Variants in CNTNAP1 observed in about 807,000 individuals in gnomAD.
The protein encoded by CNTNAP1 is contactin-associated protein 1.
Under a neutral mutation model 161.5 loss-of-function variants are expected in CNTNAP1, and 80 were observed. That is an observed-to-expected ratio of 0.50 (90% CI 0.41 to 0.60). The LOEUF (loss-of-function observed/expected upper bound fraction) is 0.60. Ranked by LOEUF, CNTNAP1 falls within the 20% of genes least tolerant of loss-of-function variation. The pLI is 0.00. For synonymous variants in CNTNAP1, 695 were observed against 733.1 expected (o/e 0.95, Z 0.84); for missense variants, 1,464 against 1,854.8 (o/e 0.79, Z 3.87).
Position 42,687,749 on chromosome 17 carries a change from G to T in CNTNAP1, c.1074G>T (p.Pro358=), listed in dbSNP as rs774787286. 1 of 1,614,154 alleles carries T rather than the reference G, an allele frequency of 6.2e-7. No homozygotes were observed. Among genetic ancestry groups the T allele is most frequent in the South Asian group, 1.1e-5 (1 of 91,086 alleles). The change falls in exon 8 of 24, where the codon CCG becomes CCT. Residue 358 remains proline (P), a synonymous_variant. Coordinates refer to ENST00000264638, the MANE Select transcript of CNTNAP1 (RefSeq NM_003632.3). The surrounding 1 kb of genome is among the most constrained non-coding windows in gnomAD (Gnocchi z 4.7). ...EGKVAFRCLD[P]VPHPINFGGP... Reference sequence around the variant, plus strand: ...AGGTGGCTTTTCGTTGCCTGGACCCGGTACCGCACCCTATCAACTTCGGAG... The same window carrying T: ...AGGTGGCTTTTCGTTGCCTGGACCCTGTACCGCACCCTATCAACTTCGGAG...
In CNTNAP1 at chr17:42,686,889, C is replaced by T. The variant is rs367795319; in HGVS notation, c.901-14C>T. On this transcript the variant is annotated splice_polypyrimidine_tract_variant and intron_variant, in intron 6 of 23. Transcript: ENST00000264638. The stretch of plus-strand genomic sequence containing the variant: ...CCTGTGCCCAAGAGGCCTCATTCCC[C>T]ACGCCTCCCGCAGATGTTCATCGGA... 2.6e-4 allele frequency: 411 copies of T among 1,589,788 alleles called. No homozygotes were observed. Among genetic ancestry groups the T allele is most frequent in the Admixed American group, 5.9e-4 (35 of 59,132 alleles).
chr17:42,682,714 G>C lies in CNTNAP1; in HGVS notation c.-116G>C. 1 of 991,156 alleles carries C rather than the reference G, an allele frequency of 1.0e-6. No individual in the cohort carries two copies. The highest frequency in any genetic ancestry group is 1.5e-6 in the Non-Finnish European group (1 of 652,588). The allele number at this position is 991,156 out of a possible 1,614,324, so 61.4% of individuals were successfully genotyped here. The stretch of plus-strand genomic sequence containing the variant: ...GAGAGAGGGAGGGAAGGGTGGGTAA[G>C]GAGGAGAGAGCGGTCTGCTGCAAAC... On this transcript the variant is annotated 5_prime_UTR_variant, in exon 1 of 24. Coordinates refer to ENST00000264638, the MANE Select transcript of CNTNAP1 (RefSeq NM_003632.3).
chr17:42,689,989 C>T lies in CNTNAP1; in HGVS notation c.1736-99C>T, dbSNP rs2053064430. 3 of 1,402,222 alleles carry T rather than the reference C, an allele frequency of 2.1e-6. No homozygotes were observed. In the Admixed American group the frequency reaches 5.2e-5, roughly 24 times the overall value. 86.9% of individuals were successfully genotyped at this position (1,402,222 alleles called of 1,614,324 possible). On this transcript the variant is annotated intron_variant, in intron 11 of 23. Coordinates refer to ENST00000264638, the MANE Select transcript of CNTNAP1 (RefSeq NM_003632.3). ...CTCCTGACCTCGGGTGATGCACCAC[C>T]CCGGCCTCCCAAAGTGCTGGGATTA...
At chr17:42,690,689 G>A in intron 12 of CNTNAP1, 50 bp from the exon 13 acceptor site, 1 of 1,578,492 alleles carries the variant, frequency 6.3e-7, no homozygotes, top group Non-Finnish European at 8.7e-7. Flanking sequence ...AGGGAGATGG[G>A]TAGAGAATGC....
rs754491731 is a variant in CNTNAP1 at position 42,693,466 on chromosome 17, C to T, written c.2922C>T (p.Cys974=). 28 of 1,614,078 alleles carry T rather than the reference C, an allele frequency of 1.7e-5. No individual in the cohort carries two copies. The highest frequency in any genetic ancestry group is 1.0e-4 in the Admixed American group (6 of 60,010). The change falls in exon 18 of 24, where the codon TGC becomes TGT. Residue 974 remains cysteine, a synonymous_variant. Transcript: ENST00000264638. ...TCCCCTGTTTCCATGGAGGCCGCTG[C>T]GTGGAGCGCTATAGCTACTACACGT... ...PRLPCFHGGR[C]VERYSYYTCD...
At chr17:42,683,466 G>A (rs984598764) in intron 1 of CNTNAP1, 2 of 1,139,404 alleles carry the variant, frequency 1.8e-6, no homozygotes, top group African/African-American at 3.2e-5. Context: ...TGAGGCTAGG[G>A]TTGGAGCTGG....
intron 17 of CNTNAP1, 63 bp downstream of exon 17, chr17:42,692,783 C>T (rs2053106064): frequency 2.3e-5 from 33 of 1,451,010 alleles, no homozygotes; most frequent in South Asian, 1.7e-4. Context: ...CAAGGCCACT[C>T]GCCTTGTTTC....
In CNTNAP1 at chr17:42,687,601, AC is replaced by A; in HGVS notation, c.1045-114del. On this transcript the variant is annotated intron_variant, in intron 7 of 23. Transcript: ENST00000264638. The surrounding 1 kb of genome is among the most constrained non-coding windows in gnomAD (Gnocchi z 4.7). Reference sequence around the variant, plus strand: ...AGGTCACGTCATGGTTGGAGATCTCACCCCCGCCAACACCGAAGGAGGGCGG... The same window carrying A: ...AGGTCACGTCATGGTTGGAGATCTCACCCCGCCAACACCGAAGGAGGGCGG... 7.5e-7 allele frequency: 1 copy of A among 1,329,898 alleles called. No homozygotes were observed. The highest frequency in any genetic ancestry group is 2.1e-5 in the Admixed American group (1 of 46,792). 82.4% of individuals were successfully genotyped at this position (1,329,898 alleles called of 1,614,324 possible).
chr17:42,689,662 AAGGGAGGTCAAT>A, intron 11 of CNTNAP1, 35 bp downstream of exon 11: 1 of 1,548,548 alleles, frequency 6.5e-7, no homozygotes, highest in Non-Finnish European at 8.9e-7. Flanking sequence ...AGTCAGGGAC[AAGGGAGGTCAAT>A]AGAAGGTTGC....
intron 1 of CNTNAP1, chr17:42,683,518 G>A (rs2052964960): frequency 1.6e-6 from 2 of 1,236,194 alleles, no homozygotes; most frequent in Non-Finnish European, 2.0e-6. Context: ...AGATGCTGAG[G>A]TTTAGGATTG....
chr17:42,689,175 G>T, intron 10 of CNTNAP1, 128 bp downstream of exon 10: 1 of 927,918 alleles, frequency 1.1e-6, no homozygotes, highest in Non-Finnish European at 1.6e-6. Flanking sequence ...GCTTGGGGAT[G>T]ATTCTTCTTT....
intron 1 of CNTNAP1, chr17:42,683,214 T>C: frequency 2.0e-6 from 1 of 509,422 alleles, no homozygotes; most frequent in Non-Finnish European, 3.2e-6. Flanking sequence ...TGACCGATAC[T>C]AGGATTAAGG....
rs770817494 is a variant in CNTNAP1 at position 42,698,603 on chromosome 17, T to G, written c.3863-15T>G. 13 of 1,580,582 alleles carry G rather than the reference T, an allele frequency of 8.2e-6. No individual in the cohort carries two copies. Among genetic ancestry groups the G allele is most frequent in the Non-Finnish European group, 1.0e-5 (12 of 1,159,066 alleles). The stretch of plus-strand genomic sequence containing the variant: ...AGATCCCAAAGATCTGAATTGTCCC[T>G]TTTCTTCTTTTCAGTTTTGGTGGCC... On this transcript the variant is annotated splice_polypyrimidine_tract_variant and intron_variant, in intron 23 of 23. Coordinates refer to ENST00000264638, the MANE Select transcript of CNTNAP1 (RefSeq NM_003632.3).
chr17:42,696,275 G>A (rs1019108814), intron 20 of CNTNAP1, 123 bp downstream of exon 20: 10 of 1,265,826 alleles, frequency 7.9e-6, no homozygotes, highest in South Asian at 5.8e-5. Context: ...GGATTTTCAC[G>A]TGTGTCACCT....
chr17:42,695,557 G>A lies in CNTNAP1; in HGVS notation c.3029G>A (p.Arg1010His), dbSNP rs763675321. The A allele has an allele frequency of 3.1e-6, 5 of 1,611,330 alleles. No homozygotes were observed. Among genetic ancestry groups the A allele is most frequent in the African/African-American group, 2.7e-5 (2 of 74,482 alleles). Residue 1010 changes from arginine (R) to histidine (H), a missense_variant, in exon 19 of 24, where the codon CGC becomes CAC. By Grantham distance (29) the Arg-to-His change is conservative. This residue lies in a region of CNTNAP1 where 1,383 missense variants were observed against 1,765.0 expected (regional missense o/e 0.78). Transcript: ENST00000264638. ...GGFFEPGTWM[R>H]YNLQSALRSA... The stretch of plus-strand genomic sequence containing the variant: ...TTCTTTGAGCCGGGCACCTGGATGC[G>A]CTATAACCTACAGTCAGCGCTGCGC...
Position 42,698,534 on chromosome 17 carries a change from C to CGT in CNTNAP1, c.3863-51_3863-50dup, listed in dbSNP as rs112344327. 0.13 allele frequency: 115,379 copies of CGT among 859,730 alleles called. 2,545 individuals are homozygous for CGT. The highest frequency in any genetic ancestry group is 0.21 in the African/African-American group (11,039 of 52,198). 53.3% of individuals were successfully genotyped at this position (859,730 alleles called of 1,614,324 possible). ...TATACAGGTGAAATCTCAAAGAGTG[C>CGT]GTGTGTGTGTGTGTGTGTGTGTGTG... On this transcript the variant is annotated intron_variant, in intron 23 of 23. Transcript: ENST00000264638.
chr17:42,694,207 T>C (rs1046031862), intron 18 of CNTNAP1, among the ~76,000 whole-genome samples: 5 of 151,324 alleles, frequency 3.3e-5, no homozygotes, highest in African/African-American at 1.2e-4. Flanking sequence ...GTTTCACTCT[T>C]GTTGCCCAGG....
chr17:42,692,823 C>T (rs1261655167), intron 17 of CNTNAP1, 103 bp downstream of exon 17: 1 of 1,028,686 alleles, frequency 9.7e-7, no homozygotes, highest in South Asian at 1.6e-5. Context: ...GTGCCAGTCC[C>T]CTCTGCTTCA....
Position 42,691,792 on chromosome 17 carries a change from A to C in CNTNAP1, c.2345-14A>C. Reference sequence around the variant, plus strand: ...AATCTCCCTGACAAGACCTTCCTCCATCTGCTTTTCTAGGAAATTCCTGGA... The same window carrying C: ...AATCTCCCTGACAAGACCTTCCTCCCTCTGCTTTTCTAGGAAATTCCTGGA... On this transcript the variant is annotated splice_polypyrimidine_tract_variant and intron_variant, in intron 15 of 23. Transcript: ENST00000264638. This position sits in a 1 kb window ranked among gnomAD's most constrained non-coding sequence, Gnocchi z 4.3. 6.2e-7 allele frequency: 1 copy of C among 1,611,738 alleles called. No homozygotes were observed. Among genetic ancestry groups the C allele is most frequent in the South Asian group, 1.1e-5 (1 of 91,010 alleles).
Sources: gnomAD v4.1 joint callset for allele counts (sites outside exome capture counted in the v4.1 genomes callset) on GRCh38, gnomAD v4.1.1 for gene constraint, gnomAD v4.1.1 regional missense constraint, Gnocchi (gnomAD v3.1) non-coding constraint, MANE v1.5 for transcripts, NCBI Gene and HGNC (gene_info 2026-07-23, HGNC 2026-07-21) for gene names.